PPP1R7: variants seen among roughly 807,000 people sequenced by gnomAD.
The protein encoded by PPP1R7 is protein phosphatase 1 regulatory subunit 22.
A neutral mutation model predicts 45.2 loss-of-function variants in PPP1R7; 18 were observed. That is an observed-to-expected ratio of 0.40 (90% CI 0.28 to 0.59). The LOEUF (loss-of-function observed/expected upper bound fraction) is 0.59, where lower values mean the gene tolerates loss of function less well. PPP1R7 is among the 20% of genes least tolerant of loss of function. The pLI, the probability that PPP1R7 is intolerant of heterozygous loss-of-function variation, is 0.46. For missense variants in PPP1R7, 314 were observed against 455.8 expected (o/e 0.69, Z 2.83); for synonymous variants, 181 against 183.4 (o/e 0.99, Z 0.11).
At position 241,157,871 on chromosome 2, in the gene PPP1R7, G is replaced by A. The variant is rs190964369; in HGVS notation, c.237+9G>A. On this transcript the variant is annotated intron_variant, in intron 3 of 9. Transcript: ENST00000234038. ...TGGACAGAGATGCAGAGGTAATGCC[G>A]CCTGCTCAGCCCAGCCTTGGGCGTG... 67 of 1,612,346 alleles carry A rather than the reference G, an allele frequency of 4.2e-5. 1 individual carries two copies. In the Admixed American group the frequency reaches 9.7e-4, roughly 23 times the overall value.
At chr2:241,182,556 G>A (rs1452923364) in intron 9 of PPP1R7, 91 bp from the exon 10 acceptor site, 5 of 1,498,142 alleles carry the variant, frequency 3.3e-6, no homozygotes, top group Non-Finnish European at 4.6e-6. Context: ...CATCTTCTGA[G>A]TGGGAAGGAG....
chr2:241,151,721 G>C (rs2067315045), intron 1 of PPP1R7, among the ~76,000 whole-genome samples: 1 of 152,138 alleles, frequency 6.6e-6, no homozygotes, highest in South Asian at 2.1e-4. Context: ...TAAAAGCCCG[G>C]CTTTTCTCAC....
chr2:241,149,783 C>T (rs1575369424), upstream of PPP1R7: 1 of 1,535,536 alleles, frequency 6.5e-7, no homozygotes, highest in Non-Finnish European at 8.7e-7. Context: ...GTTCATGGGC[C>T]GGGTGGCTCC....
rs753861617 is a variant in PPP1R7, at chr2:241,157,813, A to G, written c.188A>G (p.His63Arg). Reference sequence around the variant, plus strand: ...CTTTTTCTTATTTTTTCAGAAGAACATGAGCTGCCTGTGGACATGGAAACC... The same window carrying G: ...CTTTTTCTTATTTTTTCAGAAGAACGTGAGCTGCCTGTGGACATGGAAACC... ...ERGEEDPEEE[H>R]ELPVDMETIN... Residue 63 changes from histidine (H) to arginine (R), a missense_variant, in exon 3 of 10, where the codon CAT becomes CGT. Around this residue, in one of 3 missense-constraint regions of PPP1R7, gnomAD observed 112 missense variants for 144.5 expected, o/e 0.78. Transcript: ENST00000234038. The G allele has an allele frequency of 6.2e-7, 1 of 1,613,844 alleles. No individual in the cohort carries two copies. The highest frequency in any genetic ancestry group is 2.2e-5 in the East Asian group (1 of 44,888).
intron 9 of PPP1R7, among the ~76,000 whole-genome samples, chr2:241,179,697 G>A (rs994851660): frequency 6.6e-6 from 1 of 152,188 alleles, no homozygotes; most frequent in Non-Finnish European, 1.5e-5. Flanking sequence ...GAAACATAAG[G>A]TCATCTTTTT....
upstream of PPP1R7, chr2:241,149,637 C>G: frequency 6.5e-7 from 1 of 1,539,554 alleles, no homozygotes; most frequent in Non-Finnish European, 8.7e-7. Flanking sequence ...TCGGAGGAGC[C>G]AAAGGAATAA....
At chr2:241,163,523 G>A (rs1163796389) in intron 7 of PPP1R7, 122 bp downstream of exon 7, 2 of 690,226 alleles carry the variant, frequency 2.9e-6, no homozygotes, top group Non-Finnish European at 5.1e-6. Flanking sequence ...CTATTAGTAA[G>A]CAATTGAAAC....
At chr2:241,158,014 T>C in intron 3 of PPP1R7, 152 bp downstream of exon 3, 1 of 760,774 alleles carries the variant, frequency 1.3e-6, no homozygotes, top group Non-Finnish European at 2.2e-6. Flanking sequence ...TTCTTACCAG[T>C]GATTGTTATC....
chr2:241,155,177 GGAGGACTTGA>G (rs1167558938), intron 2 of PPP1R7: 2 of 152,336 alleles, frequency 1.3e-5, no homozygotes, highest in African/African-American at 4.8e-5. Context: ...GGGTGTTTAT[GGAGGACTTGA>G]GAGTTGGCAG....
upstream of PPP1R7, chr2:241,149,772 C>G (rs913735709): frequency 6.5e-7 from 1 of 1,537,228 alleles, no homozygotes; most frequent in African/African-American, 1.4e-5. Context: ...CGGGGCGGCT[C>G]GTTCATGGGC....
At chr2:241,150,328 G>C (rs770780793), upstream of PPP1R7, 20 of 1,326,436 alleles carry the variant, frequency 1.5e-5, no homozygotes, top group Non-Finnish European at 1.9e-5. Context: ...GCGGCGCGCG[G>C]CCTCATGACG....
chr2:241,174,609 C>G (rs1341717240), intron 9 of PPP1R7, among the ~76,000 whole-genome samples: 1 of 151,966 alleles, frequency 6.6e-6, no homozygotes, highest in Non-Finnish European at 1.5e-5. Flanking sequence ...TTTCCTGTCT[C>G]TCAAGAATCA....
At chr2:241,173,591 C>T (rs12616719) in intron 9 of PPP1R7, among the ~76,000 whole-genome samples, 26,906 of 152,052 alleles carry the variant, frequency 0.18, 3,273 homozygotes, top group East Asian at 0.35. Context: ...GTCTGTGAAT[C>T]TATGGTCTTC....
Position 241,160,306 on chromosome 2 carries a change from TAAAAAAC to T in PPP1R7, c.435-25_435-19del. ...GCAACCTATGCTCGTGAAATTTTTT[TAAAAAAC>T]TGTTTTGGTTGTTCTCAGGATTCTA... is the stretch of plus-strand genomic sequence containing the variant. On this transcript the variant is annotated intron_variant, in intron 5 of 9. Coordinates refer to ENST00000234038, the MANE Select transcript of PPP1R7 (RefSeq NM_002712.3). The T allele has an allele frequency of 6.4e-7, 1 of 1,569,180 alleles. No homozygotes were observed. The highest frequency in any genetic ancestry group is 1.4e-5 in the African/African-American group (1 of 72,314).
In PPP1R7 at chr2:241,150,558, C is replaced by G; in HGVS notation, c.52+11C>G. On this transcript the variant is annotated intron_variant, in intron 1 of 9. Coordinates refer to ENST00000234038, the MANE Select transcript of PPP1R7 (RefSeq NM_002712.3). ...AGGAGATGATGGAGGGTGAGCGGCC[C>G]CTGCGGGCGGCGGCCCAAGGGCCCA... 5 of 1,588,054 alleles carry G rather than the reference C, an allele frequency of 3.1e-6. No homozygotes were observed. Among genetic ancestry groups the G allele is most frequent in the Non-Finnish European group, 4.3e-6 (5 of 1,169,556 alleles).
chr2:241,176,687 C>T (rs2067912863), intron 9 of PPP1R7, among the ~76,000 whole-genome samples: 1 of 152,198 alleles, frequency 6.6e-6, no homozygotes, highest in Non-Finnish European at 1.5e-5. Context: ...TCTTGAACTC[C>T]TGGCCTCCAG....
chr2:241,156,967 C>CGT (rs1289866335), intron 2 of PPP1R7, among the ~76,000 whole-genome samples: 1 of 152,098 alleles, frequency 6.6e-6, no homozygotes, highest in East Asian at 1.9e-4. Flanking sequence ...TTTGTGCATG[C>CGT]GTGTGTGTGT....
Position 241,183,125 on chromosome 2 carries a change from TCA to T in PPP1R7, c.*305_*306del. 1 of 421,760 alleles carries T rather than the reference TCA, an allele frequency of 2.4e-6. No individual in the cohort carries two copies. The highest frequency in any genetic ancestry group is 4.5e-6 in the Non-Finnish European group (1 of 223,500). The allele number at this position is 421,760 out of a possible 1,614,324, so 26.1% of individuals were successfully genotyped here. On this transcript the variant is annotated 3_prime_UTR_variant, in exon 10 of 10. Coordinates refer to ENST00000234038, the MANE Select transcript of PPP1R7 (RefSeq NM_002712.3). Reference sequence around the variant, plus strand: ...CCTGTTTCCTTCTCTCAGAAGGCAGTCACAGTCCCTACCTGAGTCGTGTGAAA... The same window carrying T: ...CCTGTTTCCTTCTCTCAGAAGGCAGTCAGTCCCTACCTGAGTCGTGTGAAA...
intron 2 of PPP1R7, among the ~76,000 whole-genome samples, chr2:241,156,719 A>G (rs6741569): frequency 0.27 from 41,424 of 152,226 alleles, 6,820 homozygotes; most frequent in Middle Eastern, 0.45. Flanking sequence ...GAGAAATACC[A>G]TCTAGTCACA....
Sources: allele counts gnomAD v4.1 joint callset (sites outside exome capture counted in the v4.1 genomes callset), GRCh38; gene constraint gnomAD v4.1.1; regional missense constraint gnomAD v4.1.1; transcripts MANE v1.5; gene names NCBI Gene and HGNC (gene_info 2026-07-23, HGNC 2026-07-21).